FAM110B: variants seen among roughly 807,000 people sequenced by gnomAD.
The protein encoded by FAM110B is protein FAM110B.
A neutral mutation model predicts 20.4 loss-of-function variants in FAM110B; 6 were observed. The ratio of observed to expected loss-of-function variants is 0.29; its 90% CI spans 0.16 to 0.58. The LOEUF (loss-of-function observed/expected upper bound fraction) is 0.58, where lower values mean the gene tolerates loss of function less well. FAM110B is among the 20% of genes least tolerant of loss of function. FAM110B has a pLI of 0.90. For missense variants in FAM110B, 434 were observed against 498.2 expected, an observed-to-expected ratio of 0.87 and a Z score of 1.23; for synonymous variants, 226 against 214.1, an observed-to-expected ratio of 1.06 and a Z score of -0.49.
chr8:58,016,062 T>C (rs762601312), intron 1 of FAM110B, among the ~76,000 whole-genome samples: 3 of 152,182 alleles, frequency 2.0e-5, no homozygotes, highest in Non-Finnish European at 4.4e-5. Context: ...AACAAAGCTA[T>C]GTAGAGTATC....
At chr8:58,082,204 G>T (rs1806214298) in intron 3 of FAM110B, among the ~76,000 whole-genome samples, 1 of 152,170 alleles carries the variant, frequency 6.6e-6, no homozygotes, top group South Asian at 2.1e-4. Context: ...GGAAGCCTTT[G>T]TGAAAATAAA....
At chr8:58,026,731 A>G (rs755723300) in intron 1 of FAM110B, among the ~76,000 whole-genome samples, 7 of 152,228 alleles carry the variant, frequency 4.6e-5, no homozygotes, top group Admixed American at 6.5e-5. Flanking sequence ...GTTAGCTATC[A>G]TTGTATGAAG....
chr8:58,141,741 C>T (rs529492543), intron 3 of FAM110B, among the ~76,000 whole-genome samples: 11 of 152,308 alleles, frequency 7.2e-5, no homozygotes, highest in African/African-American at 1.4e-4. Context: ...ATTTTTAAAT[C>T]GGGAGAGTTT....
At chr8:58,056,956 A>G (rs569128992) in intron 2 of FAM110B, among the ~76,000 whole-genome samples, 8 of 152,196 alleles carry the variant, frequency 5.3e-5, no homozygotes, top group Admixed American at 1.3e-4. Context: ...AGGAGGCCCT[A>G]TGTTTTTAGT....
intron 3 of FAM110B, among the ~76,000 whole-genome samples, chr8:58,134,925 A>G (rs1803574221): frequency 6.6e-6 from 1 of 152,238 alleles, no homozygotes; most frequent in Admixed American, 6.5e-5. Context: ...GGAAGCTGGT[A>G]TTAATACTAA....
chr8:58,144,852 C>T (rs1803822489), intron 3 of FAM110B, among the ~76,000 whole-genome samples: 1 of 152,048 alleles, frequency 6.6e-6, no homozygotes, highest in Non-Finnish European at 1.5e-5. Flanking sequence ...CATTATATGG[C>T]ATATGAAATA....
At chr8:58,074,364 C>T (rs1162371848) in intron 2 of FAM110B, among the ~76,000 whole-genome samples, 2 of 152,134 alleles carry the variant, frequency 1.3e-5, no homozygotes, top group Non-Finnish European at 2.9e-5. Flanking sequence ...ATCCCCCACA[C>T]TCACAGCCAC....
At chr8:58,047,641 A>G (rs1347649732) in intron 2 of FAM110B, among the ~76,000 whole-genome samples, 2 of 71,854 alleles carry the variant, frequency 2.8e-5, no homozygotes, top group Admixed American at 2.6e-4. Flanking sequence ...TCTCTGACTT[A>G]TATAAATCAA....
chr8:58,090,924 A>C (rs1423578370), intron 3 of FAM110B, among the ~76,000 whole-genome samples: 1 of 152,216 alleles, frequency 6.6e-6, no homozygotes, highest in Non-Finnish European at 1.5e-5. Context: ...ACAGTAGTAA[A>C]TATAGCAGTT....
At chr8:58,132,764 A>T (rs939496345) in intron 3 of FAM110B, among the ~76,000 whole-genome samples, 1 of 152,248 alleles carries the variant, frequency 6.6e-6, no homozygotes, top group Non-Finnish European at 1.5e-5. Context: ...TTAAGAGATC[A>T]TGAGGCACCA....
chr8:58,138,969 T>G (rs2150640979), intron 3 of FAM110B, among the ~76,000 whole-genome samples: 1 of 152,302 alleles, frequency 6.6e-6, no homozygotes, highest in Admixed American at 6.5e-5. Flanking sequence ...TCTGGTCATA[T>G]AGAGTAGATG....
intron 1 of FAM110B, among the ~76,000 whole-genome samples, chr8:58,013,299 T>G (rs555303187): frequency 2.6e-5 from 4 of 152,008 alleles, no homozygotes; most frequent in African/African-American, 9.6e-5. Flanking sequence ...GGCAGAAGAG[T>G]ATGAAAGGGG....
chr8:58,139,045 G>GA (rs1224760629), intron 3 of FAM110B, among the ~76,000 whole-genome samples: 1 of 152,106 alleles, frequency 6.6e-6, no homozygotes, highest in African/African-American at 2.4e-5. Flanking sequence ...TCATCTTGTC[G>GA]AAAAAATTAA....
intron 1 of FAM110B, among the ~76,000 whole-genome samples, chr8:58,003,745 T>TA (rs1804348550): frequency 6.6e-6 from 1 of 152,240 alleles, no homozygotes; most frequent in Non-Finnish European, 1.5e-5. Context: ...CAGTAGATCA[T>TA]ACTGTAAACA....
rs572556893 is a variant in FAM110B, at chr8:58,104,698, T to C, written c.-325+29075T>C. The stretch of plus-strand genomic sequence containing the variant: ...ATTGCCTTCTATGCTGTTCTTTAAA[T>C]GTTTGAAATCGTGTTTTTATATATG... On this transcript the variant is annotated intron_variant, in intron 3 of 3. Coordinates refer to ENST00000519262, the MANE Select transcript of FAM110B (RefSeq NM_001377989.1). Among the ~76,000 whole-genome samples, 3 of 152,216 alleles carry C rather than the reference T, an allele frequency of 2.0e-5. No individual in the cohort carries two copies. In the South Asian group the frequency reaches 6.2e-4, roughly 32 times the overall value.
chr8:58,138,736 G>A (rs951171980), intron 3 of FAM110B, among the ~76,000 whole-genome samples: 4 of 152,210 alleles, frequency 2.6e-5, no homozygotes, highest in African/African-American at 9.6e-5. Context: ...GCCACTTGGA[G>A]GATCCTGTCA....
intron 2 of FAM110B, among the ~76,000 whole-genome samples, chr8:58,056,696 G>A (rs1010140040): frequency 1.3e-5 from 2 of 152,154 alleles, no homozygotes; most frequent in Non-Finnish European, 2.9e-5. Flanking sequence ...AAATTTCAGC[G>A]TTTCTTTCTG....
chr8:58,062,917 C>T (rs966714611), intron 2 of FAM110B, among the ~76,000 whole-genome samples: 4 of 152,178 alleles, frequency 2.6e-5, no homozygotes, highest in African/African-American at 7.2e-5. Context: ...CCTTCCTTAG[C>T]GATGAGGACT....
At chr8:58,037,490 T>C (rs1203529232) in intron 2 of FAM110B, among the ~76,000 whole-genome samples, 1 of 151,072 alleles carries the variant, frequency 6.6e-6, no homozygotes, top group Non-Finnish European at 1.5e-5. Flanking sequence ...AAATTAAAAA[T>C]TATCCTAGTG....
Sources: allele counts gnomAD v4.1 joint callset (sites outside exome capture counted in the v4.1 genomes callset), GRCh38; gene constraint gnomAD v4.1.1; transcripts MANE v1.5; gene names NCBI Gene and HGNC (gene_info 2026-07-23, HGNC 2026-07-21).